Variants in MDH1 observed in about 807,000 individuals in gnomAD.
MDH1 encodes the protein malate dehydrogenase, cytoplasmic.
In MDH1, 15 loss-of-function variants were observed where a neutral mutation model predicts 38.7. The ratio of observed to expected loss-of-function variants is 0.39; its 90% CI spans 0.26 to 0.60. The LOEUF (loss-of-function observed/expected upper bound fraction) is 0.60, where lower values mean the gene tolerates loss of function less well. Among genes scored for constraint, MDH1 ranks in the 20% least tolerant of loss-of-function variants. The pLI, the probability that MDH1 is intolerant of heterozygous loss-of-function variation, is 0.56. For missense variants in MDH1, 368 were observed against 405.2 expected (o/e 0.91, Z 0.79); for synonymous variants, 144 against 143.6 (o/e 1.00, Z -0.02).
intron 1 of MDH1, among the ~76,000 whole-genome samples, chr2:63,593,898 T>C (rs1398475208): frequency 6.6e-6 from 1 of 152,244 alleles, no homozygotes; most frequent in African/African-American, 2.4e-5. Flanking sequence ...TGTTTGTATG[T>C]CTTCCCTCCT....
At position 63,606,032 on chromosome 2, in the gene MDH1, A is replaced by G. The variant is rs777201606; in HGVS notation, c.879+4A>G. 11 of 1,612,374 alleles carry G rather than the reference A, an allele frequency of 6.8e-6. No individual in the cohort carries two copies. The highest frequency in any genetic ancestry group is 8.5e-6 in the Non-Finnish European group (10 of 1,178,406). ...CTCATTCCCTGTTGTAATCAAGGTA[A>G]GGTATTTTGGAGCTATTTCCCTTCT... On this transcript the variant is annotated splice_donor_region_variant and intron_variant, in intron 8 of 8. Coordinates refer to ENST00000233114, the MANE Select transcript of MDH1 (RefSeq NM_005917.4).
chr2:63,605,013 A>G (rs553148057), intron 6 of MDH1, 141 bp downstream of exon 6: 14 of 800,356 alleles, frequency 1.7e-5, no homozygotes, highest in African/African-American at 1.6e-4. Context: ...TAAGCCAGTC[A>G]TGATCTAGTG....
At chr2:63,599,122 T>C in intron 4 of MDH1, 48 bp from the exon 5 acceptor site, 1 of 1,572,444 alleles carries the variant, frequency 6.4e-7, no homozygotes, top group South Asian at 1.2e-5. Context: ...ATAGATTAGT[T>C]AGTAACTATA....
At chr2:63,606,804 T>G (rs970729345) in intron 8 of MDH1, 58 bp from the exon 9 acceptor site, 3 of 1,378,900 alleles carry the variant, frequency 2.2e-6, no homozygotes, top group African/African-American at 1.5e-5. Flanking sequence ...AACAAGGTTG[T>G]TGCTTACTGA....
At chr2:63,603,573 T>C (rs1709469849) in intron 5 of MDH1, among the ~76,000 whole-genome samples, 1 of 152,072 alleles carries the variant, frequency 6.6e-6, no homozygotes, top group Non-Finnish European at 1.5e-5. Flanking sequence ...TACATATACC[T>C]GATCATAATT....
intron 5 of MDH1, among the ~76,000 whole-genome samples, chr2:63,603,140 A>G (rs1210772258): frequency 6.6e-6 from 1 of 151,780 alleles, no homozygotes; most frequent in Non-Finnish European, 1.5e-5. Flanking sequence ...TTGTATTTTT[A>G]GTAGAGACGG....
chr2:63,592,389 C>G (rs1172594276), intron 1 of MDH1, among the ~76,000 whole-genome samples: 1 of 152,214 alleles, frequency 6.6e-6, no homozygotes, highest in African/African-American at 2.4e-5. Context: ...CTCACTCTGT[C>G]ACCAAGGCTG....
intron 1 of MDH1, chr2:63,592,992 T>C (rs1709228366): frequency 6.6e-6 from 1 of 152,156 alleles, no homozygotes; most frequent in African/African-American, 2.4e-5. Context: ...TAAAGATTTT[T>C]CTATAAATAG....
At chr2:63,597,213 T>G in intron 3 of MDH1, 186 bp from the exon 4 acceptor site, 8 of 888,922 alleles carry the variant, frequency 9.0e-6, no homozygotes, top group Non-Finnish European at 1.1e-5. Flanking sequence ...ATAAATCTAT[T>G]GACATTTCTA....
At position 63,588,993 on chromosome 2, in the gene MDH1, T is replaced by C. The variant is rs763668296; in HGVS notation, c.-51T>C. On this transcript the variant is annotated 5_prime_UTR_variant, in exon 1 of 9. Transcript: ENST00000233114. ...AGTTCCGCGGTAGAGGTGACCTGAC[T>C]CTCTGAGGCTCATTTTGCAGTTGTT... 6 of 1,614,144 alleles carry C rather than the reference T, an allele frequency of 3.7e-6. No individual in the cohort carries two copies. In the East Asian group the frequency reaches 6.7e-5, roughly 18 times the overall value.
At chr2:63,591,842 G>A (rs1709207404) in intron 1 of MDH1, among the ~76,000 whole-genome samples, 1 of 152,204 alleles carries the variant, frequency 6.6e-6, no homozygotes, top group Non-Finnish European at 1.5e-5. Context: ...ACTACGTACT[G>A]TTCTTAGTGC....
intron 3 of MDH1, among the ~76,000 whole-genome samples, chr2:63,596,876 G>A (rs1187938097): frequency 2.0e-5 from 3 of 152,202 alleles, no homozygotes; most frequent in African/African-American, 7.2e-5. Flanking sequence ...ATGGTGGCGA[G>A]TTAATCTCTT....
chr2:63,589,170 G>T, intron 1 of MDH1, 124 bp downstream of exon 1: 1 of 1,610,428 alleles, frequency 6.2e-7, no homozygotes, highest in Non-Finnish European at 8.5e-7. Flanking sequence ...CCTTTGGCAA[G>T]CTCGGACTCA....
At chr2:63,593,742 CATT>C (rs747898036) in intron 1 of MDH1, 3 of 466,932 alleles carry the variant, frequency 6.4e-6, no homozygotes, top group South Asian at 1.6e-5. Flanking sequence ...CGTTTCTAAA[CATT>C]ATTGTTTTGT....
intron 8 of MDH1, among the ~76,000 whole-genome samples, chr2:63,606,447 C>G (rs761224583): frequency 6.6e-6 from 1 of 152,156 alleles, no homozygotes; most frequent in Admixed American, 6.5e-5. Flanking sequence ...TTTTTCTCAG[C>G]TTTAAAACTA....
At chr2:63,600,838 G>A (rs1418437722) in intron 5 of MDH1, among the ~76,000 whole-genome samples, 1 of 152,144 alleles carries the variant, frequency 6.6e-6, no homozygotes, top group Non-Finnish European at 1.5e-5. Context: ...TAAAGGAAGA[G>A]ATATTATACA....
intron 4 of MDH1, among the ~76,000 whole-genome samples, chr2:63,598,575 A>G (rs1265765466): frequency 1.3e-5 from 2 of 152,360 alleles, no homozygotes; most frequent in Admixed American, 6.5e-5. Context: ...AGATTTTTTA[A>G]GTTGCCCATT....
At chr2:63,589,166 G>T in intron 1 of MDH1, 120 bp downstream of exon 1, 2 of 1,610,972 alleles carry the variant, frequency 1.2e-6, no homozygotes, top group South Asian at 2.2e-5. Context: ...GCGCCCTTTG[G>T]CAAGCTCGGA....
chr2:63,602,934 C>CTTTTGTTTTTT (rs1709452776), intron 5 of MDH1, among the ~76,000 whole-genome samples: 9 of 131,536 alleles, frequency 6.8e-5, no homozygotes, highest in Non-Finnish European at 1.3e-4. Flanking sequence ...TTTAACCGTT[C>CTTTTGTTTTTT]TTTTTTTTTT....
Sources: allele counts gnomAD v4.1 joint callset (sites outside exome capture counted in the v4.1 genomes callset), GRCh38; gene constraint gnomAD v4.1.1; transcripts MANE v1.5; gene names NCBI Gene and HGNC (gene_info 2026-07-23, HGNC 2026-07-21).